The following PTK7 variants were observed in gnomAD, a reference collection of about 807,000 sequenced individuals.
The protein encoded by PTK7 is protein tyrosine kinase 7 (inactive).
In PTK7, 39 loss-of-function variants were observed where a neutral mutation model predicts 116.6. That is an observed-to-expected ratio of 0.33 (90% confidence interval 0.26 to 0.44). The LOEUF (loss-of-function observed/expected upper bound fraction) is 0.44. PTK7 is among the 20% of genes least tolerant of loss of function. The pLI is 1.00. For missense variants in PTK7, 1,169 were observed against 1,425.6 expected (o/e 0.82, Z 2.90); for synonymous variants, 546 against 563.6 (o/e 0.97, Z 0.44).
At chr6:43,104,689 G>A (rs989374028) in intron 1 of PTK7, among the ~76,000 whole-genome samples, 5 of 151,994 alleles carry the variant, frequency 3.3e-5, no homozygotes, top group Non-Finnish European at 7.4e-5. Context: ...CAGCCTCCCA[G>A]AGTGCTGGGA....
At chr6:43,101,557 A>T (rs1050396989) in intron 1 of PTK7, among the ~76,000 whole-genome samples, 26 of 152,142 alleles carry the variant, frequency 1.7e-4, no homozygotes, top group East Asian at 3.9e-4. Context: ...GTCTCAAAAA[A>T]AAAAATAAAA....
Position 43,141,705 on chromosome 6 carries a change from T to A in PTK7, c.1656T>A (p.Ala552=). The A allele has an allele frequency of 6.2e-7, 1 of 1,614,166 alleles. No individual in the cohort carries two copies. The highest frequency in any genetic ancestry group is 8.5e-7 in the Non-Finnish European group (1 of 1,180,028). Residue 552 remains alanine (A), a synonymous_variant, in exon 11 of 20, where the codon GCT becomes GCA. Transcript: ENST00000230419. The surrounding 1 kb of genome is among the most constrained non-coding windows in gnomAD (Gnocchi z 4.9). ...SSLPEWVTDN[A]GTLHFARVTR... Reference sequence around the variant, plus strand: ...TCCCAGAGTGGGTGACAGACAACGCTGGGACCCTGCATTTTGCCCGGGTGA... The same window carrying A: ...TCCCAGAGTGGGTGACAGACAACGCAGGGACCCTGCATTTTGCCCGGGTGA...
chr6:43,159,140 T>G (rs1771686871), intron 18 of PTK7, among the ~76,000 whole-genome samples, 172 bp downstream of exon 18: 1 of 152,198 alleles, frequency 6.6e-6, no homozygotes, highest in South Asian at 2.1e-4. Context: ...TGCAGCAGGC[T>G]TCCCACCCAG....
Position 43,145,322 on chromosome 6 carries a change from C to T in PTK7, c.2530C>T (p.Arg844Trp), listed in dbSNP as rs758503754. ...GGATGAGCAGCAGCAGCTGGACTTC[C>T]GGAGGGAGTTGGAGATGTTTGGGAA... The part of the protein sequence containing the change: ...SKDEQQQLDF[R>W]RELEMFGKLN... The change falls in exon 16 of 20, where the codon CGG becomes TGG. Residue 844 changes from arginine (R) to tryptophan (W), a missense_variant. This residue lies in a region of PTK7 where 678 missense variants were observed against 853.8 expected (regional missense o/e 0.79). Coordinates refer to ENST00000230419, the MANE Select transcript of PTK7 (RefSeq NM_002821.5). The surrounding 1 kb of genome is among the most constrained non-coding windows in gnomAD (Gnocchi z 4.8). The T allele has an allele frequency of 1.4e-5, 22 of 1,613,756 alleles. No individual in the cohort carries two copies. Among genetic ancestry groups the T allele is most frequent in the South Asian group, 8.8e-5 (8 of 91,048 alleles).
At position 43,141,584 on chromosome 6, in the gene PTK7, G is replaced by T. The variant is rs1770410098; in HGVS notation, c.1619-84G>T. 3.4e-6 allele frequency: 5 copies of T among 1,480,582 alleles called. No homozygotes were observed. The South Asian group carries it at 6.2e-5, about 18-fold the overall frequency. The allele number at this position is 1,480,582 out of a possible 1,614,324, so 91.7% of individuals were successfully genotyped here. A position where few individuals can be genotyped will look rare whatever the true frequency, so the allele number is the denominator to read the frequency against. On this transcript the variant is annotated intron_variant, in intron 10 of 19. Transcript: ENST00000230419. This position sits in a 1 kb window ranked among gnomAD's most constrained non-coding sequence, Gnocchi z 4.9. ...TGGTCAGGAGCGATGGTGTGTTTTT[G>T]AGTAGAGGTGAGGGACTGAAGGCAT...
At chr6:43,132,262 GGCAGGGGAAGAAAAGGAT>G in intron 6 of PTK7, 98 bp downstream of exon 6, 1 of 1,512,456 alleles carries the variant, frequency 6.6e-7, no homozygotes, top group Non-Finnish European at 8.9e-7. Context: ...CCGCTTGGAG[GGCAGGGGAAGAAAAGGAT>G]GCTGGGAGTA....
At chr6:43,105,883 G>C (rs1023737714) in intron 1 of PTK7, among the ~76,000 whole-genome samples, 1 of 152,196 alleles carries the variant, frequency 6.6e-6, no homozygotes, top group South Asian at 2.1e-4. Context: ...GCTGCGAGAG[G>C]ATAAATTTCT....
In PTK7 at chr6:43,139,300, C is replaced by T. The variant is rs1770243790; in HGVS notation, c.1498+29C>T. 8 of 1,614,214 alleles carry T rather than the reference C, an allele frequency of 5.0e-6. No individual in the cohort carries two copies. The highest frequency in any genetic ancestry group is 1.7e-5 in the Admixed American group (1 of 60,032). On this transcript the variant is annotated intron_variant, in intron 9 of 19. Transcript: ENST00000230419. The surrounding 1 kb of genome is among the most constrained non-coding windows in gnomAD (Gnocchi z 4.6). ...AGCCAGCATGTCTTGGGGGAGCACC[C>T]TTCCTGGCTAGGCAGGAGAGGAAAG...
chr6:43,095,986 G>A (rs1767229472), intron 1 of PTK7, among the ~76,000 whole-genome samples: 1 of 152,328 alleles, frequency 6.6e-6, no homozygotes, highest in East Asian at 1.9e-4. Flanking sequence ...TAAGCTCTCA[G>A]TAGTCCTGAG....
intron 1 of PTK7, among the ~76,000 whole-genome samples, chr6:43,101,547 G>A (rs1447568847): frequency 3.4e-5 from 5 of 148,720 alleles, no homozygotes; most frequent in African/African-American, 7.5e-5. Flanking sequence ...GCAAGACTCC[G>A]TCTCAAAAAA....
intron 1 of PTK7, among the ~76,000 whole-genome samples, chr6:43,115,764 C>G (rs1013266228): frequency 1.3e-5 from 2 of 151,874 alleles, no homozygotes; most frequent in African/African-American, 4.8e-5. Flanking sequence ...TGGAAAAACC[C>G]TGTTTGTACT....
At chr6:43,114,307 T>A (rs1390906126) in intron 1 of PTK7, among the ~76,000 whole-genome samples, 4 of 152,152 alleles carry the variant, frequency 2.6e-5, no homozygotes, top group Admixed American at 2.0e-4. Flanking sequence ...TCTCACCACC[T>A]CCATCTGTCT....
At chr6:43,089,965 G>A (rs909982270) in intron 1 of PTK7, among the ~76,000 whole-genome samples, 7 of 152,240 alleles carry the variant, frequency 4.6e-5, no homozygotes, top group African/African-American at 1.7e-4. Flanking sequence ...CTCAGGGGTT[G>A]TACAGCCTCC....
In PTK7 at chr6:43,129,300, CAG is replaced by C; in HGVS notation, c.367+38_367+39del. On this transcript the variant is annotated intron_variant, in intron 2 of 19. Transcript: ENST00000230419. The surrounding 1 kb of genome is among the most constrained non-coding windows in gnomAD (Gnocchi z 4.5). ...GGGGGGCTGTGCCCAGTCCCCCTGT[CAG>C]ACCCTCAATGACTGAGGCCTGGGGG... The C allele has an allele frequency of 2.5e-6, 4 of 1,611,516 alleles. No individual in the cohort carries two copies. Among genetic ancestry groups the C allele is most frequent in the Non-Finnish European group, 3.4e-6 (4 of 1,178,508 alleles).
At position 43,076,691 on chromosome 6, in the gene PTK7, T is replaced by A. The variant is rs1235954083; in HGVS notation, c.79+124T>A. The A allele has an allele frequency of 3.3e-5, 46 of 1,391,568 alleles. No individual in the cohort carries two copies. The highest frequency in any genetic ancestry group is 4.3e-5 in the Non-Finnish European group (45 of 1,051,814). 86.2% of individuals were successfully genotyped at this position (1,391,568 alleles called of 1,614,324 possible). ...GCCCTGGAGTAGTGGAGAGGCTCGC[T>A]GGGGGTGCAGGCTTGCGGCGGAAGG... On this transcript the variant is annotated intron_variant, in intron 1 of 19. Coordinates refer to ENST00000230419, the MANE Select transcript of PTK7 (RefSeq NM_002821.5). This position sits in a 1 kb window ranked among gnomAD's most constrained non-coding sequence, Gnocchi z 5.7.
Position 43,144,591 on chromosome 6 carries a change from C to G in PTK7, c.2392C>G (p.Pro798Ala), listed in dbSNP as rs768850309. Reference sequence around the variant, plus strand: ...GCACTTCCCACGGTCTAGCCTGCAGCCCATCACCACGCTGGGTATGTTGCC... The same window carrying G: ...GCACTTCCCACGGTCTAGCCTGCAGGCCATCACCACGCTGGGTATGTTGCC... ...KMHFPRSSLQ[P>A]ITTLGKSEFG... Residue 798 changes from proline to alanine, a missense_variant, in exon 15 of 20, where the codon CCC becomes GCC. By Grantham distance (27) the Pro-to-Ala change is conservative. Coordinates refer to ENST00000230419, the MANE Select transcript of PTK7 (RefSeq NM_002821.5). 1.2e-6 allele frequency: 2 copies of G among 1,611,820 alleles called. No individual in the cohort carries two copies. The highest frequency in any genetic ancestry group is 8.5e-7 in the Non-Finnish European group (1 of 1,178,488).
Position 43,138,993 on chromosome 6 carries a change from A to G in PTK7, c.1362+11A>G. On this transcript the variant is annotated intron_variant, in intron 8 of 19. Transcript: ENST00000230419. ...ATGCTCATCTCAGAGGTGAGAAAGAAGAGTGTTGCTAGTGGATGGGCGGGG... is the reference window on the plus strand; with the variant it reads ...ATGCTCATCTCAGAGGTGAGAAAGAGGAGTGTTGCTAGTGGATGGGCGGGG... 1 of 1,612,844 alleles carries G rather than the reference A, an allele frequency of 6.2e-7. No homozygotes were observed. Among genetic ancestry groups the G allele is most frequent in the African/African-American group, 1.3e-5 (1 of 75,054 alleles).
At chr6:43,137,852 G>GCT in intron 7 of PTK7, among the ~76,000 whole-genome samples, 1 of 152,154 alleles carries the variant, frequency 6.6e-6, no homozygotes, top group South Asian at 2.1e-4. Context: ...TTTCGCCCAG[G>GCT]CTGGAGTGCA....
chr6:43,159,037 G>T, intron 18 of PTK7, 69 bp downstream of exon 18: 1 of 1,580,958 alleles, frequency 6.3e-7, no homozygotes, highest in Non-Finnish European at 8.6e-7. Flanking sequence ...AGGACAGATA[G>T]TTTGGGGGGT....
Sources: allele counts gnomAD v4.1 joint callset (sites outside exome capture counted in the v4.1 genomes callset), GRCh38; gene constraint gnomAD v4.1.1; regional missense constraint gnomAD v4.1.1; non-coding constraint Gnocchi (gnomAD v3.1); transcripts MANE v1.5; gene names NCBI Gene and HGNC (gene_info 2026-07-23, HGNC 2026-07-21).